Variants in NODAL observed in about 807,000 individuals in gnomAD.
NODAL encodes nodal growth differentiation factor.
A neutral mutation model predicts 34.0 loss-of-function variants in NODAL; 12 were observed. That is an observed-to-expected ratio of 0.35 (90% CI 0.23 to 0.57). The LOEUF is 0.57. Ranked by LOEUF, NODAL falls within the 20% of genes least tolerant of loss-of-function variation. The pLI is 0.83. For synonymous variants in NODAL, 162 were observed against 186.4 expected, an observed-to-expected ratio of 0.87 and a Z score of 1.07; for missense variants, 390 against 444.2, an observed-to-expected ratio of 0.88 and a Z score of 1.10.
At chr10:70,443,933 C>CCTTTTTT (rs1554850806), upstream of NODAL, among the ~76,000 whole-genome samples, 1 of 143,854 alleles carries the variant, frequency 7.0e-6, no homozygotes, top group Non-Finnish European at 1.5e-5. Flanking sequence ...GTTGACTCCC[C>CCTTTTTT]TTTTTTTTTT....
intron 1 of NODAL, among the ~76,000 whole-genome samples, chr10:70,437,171 G>A (rs1197130745): frequency 3.3e-5 from 5 of 152,220 alleles, no homozygotes; most frequent in Middle Eastern, 3.2e-3. Flanking sequence ...TGCCGGGCGC[G>A]GTGGCTCACG....
At position 70,432,557 on chromosome 10, in the gene NODAL, A is replaced by T. The variant is rs1190753731; in HGVS notation, c.*379T>A. On this transcript the variant is annotated 3_prime_UTR_variant, in exon 3 of 3. Coordinates refer to ENST00000287139, the MANE Select transcript of NODAL (RefSeq NM_018055.5). ...ATACATGAAAGCTATAGGTGACTTC[A>T]TCCCACCTCCAAAATACATGCACAT... The T allele has an allele frequency of 2.9e-6, 1 of 343,882 alleles. No homozygotes were observed. Among genetic ancestry groups the T allele is most frequent in the Non-Finnish European group, 5.7e-6 (1 of 176,222 alleles). 21.3% of individuals were successfully genotyped at this position (343,882 alleles called of 1,614,324 possible).
upstream of NODAL, among the ~76,000 whole-genome samples, chr10:70,445,403 G>GC (rs532824204): frequency 4.9e-3 from 740 of 152,010 alleles, 5 homozygotes; most frequent in African/African-American, 0.017. Context: ...GACTACAGGC[G>GC]CCCCCCACCA....
upstream of NODAL, among the ~76,000 whole-genome samples, chr10:70,442,916 C>G (rs781733859): frequency 3.1e-4 from 47 of 152,072 alleles, no homozygotes; most frequent in Non-Finnish European, 7.4e-5. Flanking sequence ...AACCCTGTCT[C>G]TACCCAAAAA....
chr10:70,432,693 A>C lies in NODAL; in HGVS notation c.*243T>G. ...TGCCACTGTCTTTTCAGTAAAGAGA[A>C]CATCCAGCCAGCCCCCTGCACAGGC... is the stretch of plus-strand genomic sequence containing the variant. On this transcript the variant is annotated 3_prime_UTR_variant, in exon 3 of 3. Transcript: ENST00000287139. The C allele has an allele frequency of 1.8e-6, 1 of 552,854 alleles. No homozygotes were observed. Among genetic ancestry groups the C allele is most frequent in the Non-Finnish European group, 3.2e-6 (1 of 308,036 alleles). 34.2% of individuals were successfully genotyped at this position (552,854 alleles called of 1,614,324 possible). A position where few individuals can be genotyped will look rare whatever the true frequency, so the allele number is the denominator to read the frequency against.
Position 70,433,067 on chromosome 10 carries a change from G to T in NODAL, c.913C>A (p.Pro305Thr). ...YIQSLLKRYQ[P>T]HRVPSTCCAP... ...CAACAAGTGGAAGGGACTCGGTGGG[G>T]CTGGTAACGTTTCAGCAGACTCTGT... is the stretch of plus-strand genomic sequence containing the variant. Residue 305 changes from proline (P) to threonine (T), a missense_variant, in exon 3 of 3, where the codon CCC becomes ACC. Pro to Thr is a conservative substitution (Grantham distance 38). Coordinates refer to ENST00000287139, the MANE Select transcript of NODAL (RefSeq NM_018055.5). The T allele has an allele frequency of 1.2e-6, 2 of 1,614,084 alleles. No homozygotes were observed. Among genetic ancestry groups the T allele is most frequent in the Non-Finnish European group, 1.7e-6 (2 of 1,180,038 alleles).
In NODAL at chr10:70,435,956, G is replaced by A. The variant is rs886047104; in HGVS notation, c.221C>T (p.Thr74Met). 35 of 1,613,994 alleles carry A rather than the reference G, an allele frequency of 2.2e-5. No homozygotes were observed. Among genetic ancestry groups the A allele is most frequent in the Non-Finnish European group, 2.9e-5 (34 of 1,180,028 alleles). ...EDVAVDGQNW[T>M]FAFDFSFLSQ... ...CAGGAAGGAGAAGTCAAAAGCAAAC[G>A]TCCAGTTCTGCCCATCCACTGCCAC... is the stretch of plus-strand genomic sequence containing the variant. Residue 74 changes from threonine (T) to methionine (M), a missense_variant, in exon 2 of 3, where the codon ACG becomes ATG. Thr to Met is a moderately conservative substitution (Grantham distance 81). Transcript: ENST00000287139.
At position 70,435,964 on chromosome 10, in the gene NODAL, C is replaced by T; in HGVS notation, c.213G>A (p.Gln71=). 1 of 1,614,166 alleles carries T rather than the reference C, an allele frequency of 6.2e-7. No individual in the cohort carries two copies. Among genetic ancestry groups the T allele is most frequent in the Non-Finnish European group, 8.5e-7 (1 of 1,180,032 alleles). ...LQAEDVAVDG[Q]NWTFAFDFSF... ...AGAAGTCAAAAGCAAACGTCCAGTTCTGCCCATCCACTGCCACATCTGGGT... is the reference window on the plus strand; with the variant it reads ...AGAAGTCAAAAGCAAACGTCCAGTTTTGCCCATCCACTGCCACATCTGGGT... The change falls in exon 2 of 3, where the codon CAG becomes CAA. Residue 71 remains glutamine, a synonymous_variant. Transcript: ENST00000287139.
At chr10:70,444,856 T>C (rs760600273), upstream of NODAL, among the ~76,000 whole-genome samples, 40 of 152,178 alleles carry the variant, frequency 2.6e-4, no homozygotes, top group Non-Finnish European at 5.1e-4. Flanking sequence ...TCCATGGTTG[T>C]CATCTGACTT....
At chr10:70,441,855 C>T (rs536699457), upstream of NODAL, among the ~76,000 whole-genome samples, 2 of 152,254 alleles carry the variant, frequency 1.3e-5, no homozygotes, top group East Asian at 1.9e-4. Flanking sequence ...GGAGGAGGCC[C>T]GCAAAGCTGG....
rs1845331091 is a variant in NODAL, at chr10:70,435,346, C to G, written c.831G>C (p.Glu277Asp). ...CCCCAACAGGATTAGGACACTCGCC[C>G]TCACAGCGATAGGCGTTGTACTGCT... ...YPKQYNAYRC[E>D]GECPNPVGEE... The change falls in exon 2 of 3, where the codon GAG (glutamate) becomes GAC (aspartate). Residue 277 changes from glutamate to aspartate, a missense_variant. Coordinates refer to ENST00000287139, the MANE Select transcript of NODAL (RefSeq NM_018055.5). 5 of 1,614,150 alleles carry G rather than the reference C, an allele frequency of 3.1e-6. No individual in the cohort carries two copies. The highest frequency in any genetic ancestry group is 1.6e-4 in the Middle Eastern group (1 of 6,062).
At chr10:70,436,253 C>T (rs915557645) in intron 1 of NODAL, 1 of 506,464 alleles carries the variant, frequency 2.0e-6, no homozygotes, top group African/African-American at 1.9e-5. Context: ...GCCCAACTGC[C>T]AAGCCCAGAC....
Position 70,432,814 on chromosome 10 carries a change from G to T in NODAL, c.*122C>A. 1 of 1,165,766 alleles carries T rather than the reference G, an allele frequency of 8.6e-7. No individual in the cohort carries two copies. Among genetic ancestry groups the T allele is most frequent in the Non-Finnish European group, 1.3e-6 (1 of 784,524 alleles). 72.2% of individuals were successfully genotyped at this position (1,165,766 alleles called of 1,614,324 possible). On this transcript the variant is annotated 3_prime_UTR_variant, in exon 3 of 3. Transcript: ENST00000287139. Reference sequence around the variant, plus strand: ...TGGGCAGCCCCTCCTCTTCAGTTCTGGTGGGCAGAGCAACTTTGCCCCTCT... The same window carrying T: ...TGGGCAGCCCCTCCTCTTCAGTTCTTGTGGGCAGAGCAACTTTGCCCCTCT...
At chr10:70,436,111 C>T in intron 1 of NODAL, 128 bp from the exon 2 acceptor site, 1 of 788,230 alleles carries the variant, frequency 1.3e-6, no homozygotes, top group Non-Finnish European at 2.2e-6. Flanking sequence ...GAATTCTCAC[C>T]CCAACTCTAT....
At chr10:70,438,425 T>C (rs1845384481) in intron 1 of NODAL, among the ~76,000 whole-genome samples, 1 of 152,236 alleles carries the variant, frequency 6.6e-6, no homozygotes, top group Non-Finnish European at 1.5e-5. Context: ...TTGGTCAGGC[T>C]ACTTTCCTTC....
Position 70,435,822 on chromosome 10 carries a change from G to T in NODAL, c.355C>A (p.Pro119Thr). The change falls in exon 2 of 3, where the codon CCC becomes ACC. Residue 119 changes from proline to threonine, a missense_variant. By Grantham distance (38) the Pro-to-Thr change is conservative. Transcript: ENST00000287139. ...CTGTCTGAAGCCTGCTCTGTGTCGG[G>T]CTTTGGCTGGTGGAAAATCTCAATG... ...LAIEIFHQPK[P>T]DTEQASDSCL... 6.2e-7 allele frequency: 1 copy of T among 1,614,142 alleles called. No individual in the cohort carries two copies.
chr10:70,442,617 G>A (rs1389950801), upstream of NODAL, among the ~76,000 whole-genome samples: 1 of 152,110 alleles, frequency 6.6e-6, no homozygotes, highest in East Asian at 1.9e-4. Context: ...GGCCCCATCC[G>A]TTTTCCTTTA....
At chr10:70,440,789 C>G (rs1845420909) in intron 1 of NODAL, among the ~76,000 whole-genome samples, 1 of 152,198 alleles carries the variant, frequency 6.6e-6, no homozygotes, top group African/African-American at 2.4e-5. Flanking sequence ...ACTTCCCCGG[C>G]GCGGCTGGAG....
chr10:70,436,780 TC>T (rs572606683), intron 1 of NODAL, among the ~76,000 whole-genome samples: 5 of 152,240 alleles, frequency 3.3e-5, no homozygotes, highest in African/African-American at 1.2e-4. Flanking sequence ...GCTCGCCCAT[TC>T]CTGTCCCAGG....
Sources: allele counts gnomAD v4.1 joint callset (sites outside exome capture counted in the v4.1 genomes callset), GRCh38; gene constraint gnomAD v4.1.1; transcripts MANE v1.5; gene names NCBI Gene and HGNC (gene_info 2026-07-23, HGNC 2026-07-21).